SMYD3: variants seen among roughly 807,000 people sequenced by gnomAD.
The protein encoded by SMYD3 is histone-lysine N-methyltransferase SMYD3.
In SMYD3, 36 loss-of-function variants were observed where a neutral mutation model predicts 57.7. That is an observed-to-expected ratio of 0.62 (90% CI 0.48 to 0.82). The LOEUF is 0.82. Among genes scored for constraint, SMYD3 ranks in the 40% least tolerant of loss-of-function variants. The pLI is 0.00. For synonymous variants in SMYD3, 211 were observed against 195.0 expected, an observed-to-expected ratio of 1.08 and a Z score of -0.68; for missense variants, 515 against 538.8, an observed-to-expected ratio of 0.96 and a Z score of 0.44.
intron 5 of SMYD3, among the ~76,000 whole-genome samples, chr1:245,956,928 T>C (rs145342490): frequency 5.3e-5 from 8 of 152,334 alleles, no homozygotes; most frequent in African/African-American, 1.9e-4. Context: ...ATGCCAGCTC[T>C]TGAGCAGAAC....
At chr1:245,977,574 G>A (rs1311550835) in intron 5 of SMYD3, among the ~76,000 whole-genome samples, 1 of 152,180 alleles carries the variant, frequency 6.6e-6, no homozygotes, top group Non-Finnish European at 1.5e-5. Flanking sequence ...AGCTACTCTG[G>A]AGGCTGAGGC....
chr1:246,465,443 A>G (rs2067867161), intron 1 of SMYD3, among the ~76,000 whole-genome samples: 1 of 152,250 alleles, frequency 6.6e-6, no homozygotes, highest in South Asian at 2.1e-4. Context: ...AGTGCCAAAT[A>G]CACCACTAAT....
chr1:246,197,454 C>G (rs1417673359), intron 5 of SMYD3, among the ~76,000 whole-genome samples: 1 of 151,776 alleles, frequency 6.6e-6, no homozygotes, highest in East Asian at 1.9e-4. Flanking sequence ...GGTCTTCCTC[C>G]CCAAAATCCG....
At chr1:245,904,240 T>C (rs965447393) in intron 8 of SMYD3, among the ~76,000 whole-genome samples, 3 of 152,130 alleles carry the variant, frequency 2.0e-5, no homozygotes, top group Admixed American at 6.5e-5. Flanking sequence ...TTTTATAAGG[T>C]GCTCTTCCTG....
chr1:246,443,110 A>G (rs565974360), intron 1 of SMYD3, among the ~76,000 whole-genome samples: 13 of 152,284 alleles, frequency 8.5e-5, no homozygotes, highest in Non-Finnish European at 1.6e-4. Context: ...TCTCTTATGT[A>G]TTTGCATTAA....
At chr1:245,859,672 A>AG (rs1027202777) in intron 9 of SMYD3, among the ~76,000 whole-genome samples, 57 of 152,328 alleles carry the variant, frequency 3.7e-4, no homozygotes, top group African/African-American at 1.1e-3. Context: ...AGGAGGGTGC[A>AG]GGACTGGGAC....
intron 10 of SMYD3, among the ~76,000 whole-genome samples, chr1:245,798,294 A>G (rs2047642591): frequency 6.6e-6 from 1 of 151,024 alleles, no homozygotes; most frequent in Admixed American, 6.6e-5. Context: ...AGAGGAAGCA[A>G]TTTCCAGTGG....
intron 7 of SMYD3, among the ~76,000 whole-genome samples, chr1:245,918,501 A>C (rs1378910970): frequency 6.6e-6 from 1 of 152,210 alleles, no homozygotes; most frequent in Non-Finnish European, 1.5e-5. Flanking sequence ...GACAACAGCC[A>C]CTTTTTGATT....
At chr1:246,065,044 C>T (rs761172109) in intron 5 of SMYD3, among the ~76,000 whole-genome samples, 7 of 152,198 alleles carry the variant, frequency 4.6e-5, no homozygotes, top group South Asian at 2.1e-4. Flanking sequence ...GCTGAAATTC[C>T]TTCTGGACTA....
intron 5 of SMYD3, among the ~76,000 whole-genome samples, chr1:246,317,506 A>G (rs541846665): frequency 2.0e-4 from 31 of 152,386 alleles, no homozygotes; most frequent in Non-Finnish European, 3.8e-4. Context: ...AAATAGAAAG[A>G]GTATTTTTGA....
chr1:246,101,819 C>T (rs1022374598), intron 5 of SMYD3, among the ~76,000 whole-genome samples: 1 of 152,218 alleles, frequency 6.6e-6, no homozygotes, highest in Admixed American at 6.5e-5. Flanking sequence ...ACATAAATTG[C>T]CTCTTTCTGT....
chr1:245,927,847 G>T, intron 7 of SMYD3, 84 bp downstream of exon 7: 1 of 1,040,270 alleles, frequency 9.6e-7, no homozygotes, highest in Non-Finnish European at 1.4e-6. Flanking sequence ...GTCCCCTCAG[G>T]CACAATCAGT....
chr1:245,973,265 T>G (rs1160996708), intron 5 of SMYD3, among the ~76,000 whole-genome samples: 1 of 152,218 alleles, frequency 6.6e-6, no homozygotes, highest in Non-Finnish European at 1.5e-5. Context: ...TTGCTTTTGT[T>G]AGGTATTATG....
intron 1 of SMYD3, among the ~76,000 whole-genome samples, chr1:246,443,241 C>T (rs1366464624): frequency 1.3e-5 from 2 of 152,190 alleles, no homozygotes; most frequent in East Asian, 1.9e-4. Flanking sequence ...TATTTAATAT[C>T]TTTCAGTTTG....
rs528733296 is a variant in SMYD3 at position 245,859,419 on chromosome 1, T to C, written c.902-749A>G. On this transcript the variant is annotated intron_variant, in intron 9 of 11. Coordinates refer to ENST00000490107, the MANE Select transcript of SMYD3 (RefSeq NM_001167740.2). Reference sequence around the variant, plus strand: ...GACTCAATGTCCACTTCTCAGTAACTGCCTTTCTGATTAACCATGAGTCAG... The same window carrying C: ...GACTCAATGTCCACTTCTCAGTAACCGCCTTTCTGATTAACCATGAGTCAG... 3.4e-4 allele frequency among the ~76,000 whole-genome samples: 52 copies of C among 152,358 alleles called. 1 individual carries two copies. The highest frequency in any genetic ancestry group is 1.2e-3 in the African/African-American group (50 of 41,590).
intron 10 of SMYD3, among the ~76,000 whole-genome samples, chr1:245,843,378 A>G (rs1397302198): frequency 6.6e-6 from 1 of 152,152 alleles, no homozygotes; most frequent in Admixed American, 6.5e-5. Context: ...GGGGATGTGG[A>G]TCCACTGTAC....
intron 5 of SMYD3, among the ~76,000 whole-genome samples, chr1:246,011,838 C>T (rs576995157): frequency 6.6e-6 from 1 of 152,294 alleles, no homozygotes; most frequent in East Asian, 1.9e-4. Flanking sequence ...TGAACACCAG[C>T]TCTTAGTACC....
chr1:246,177,061 C>T (rs961492757), intron 5 of SMYD3, among the ~76,000 whole-genome samples: 1 of 152,082 alleles, frequency 6.6e-6, no homozygotes, highest in African/African-American at 2.4e-5. Flanking sequence ...TTATATTTGG[C>T]CTGAGGGTAT....
At chr1:246,001,496 T>A in intron 5 of SMYD3, among the ~76,000 whole-genome samples, 1 of 151,246 alleles carries the variant, frequency 6.6e-6, no homozygotes, top group Non-Finnish European at 1.5e-5. Flanking sequence ...GTGGCATCCA[T>A]CATGTTTTGG....
Sources: allele counts gnomAD v4.1 joint callset (sites outside exome capture counted in the v4.1 genomes callset), GRCh38; gene constraint gnomAD v4.1.1; transcripts MANE v1.5; gene names NCBI Gene and HGNC (gene_info 2026-07-23, HGNC 2026-07-21).